The following CWF19L2 variants were observed in gnomAD, a reference collection of about 807,000 sequenced individuals.
The protein encoded by CWF19L2 is CWF19-like protein 2.
A neutral mutation model predicts 111.7 loss-of-function variants in CWF19L2; 98 were observed. The ratio of observed to expected loss-of-function variants is 0.88; its 90% CI spans 0.75 to 1.04. The LOEUF is 1.04. CWF19L2 is among the 50% of genes least tolerant of loss of function. CWF19L2 has a pLI of 0.00. For missense variants in CWF19L2, 1,101 were observed against 1,051.4 expected, an observed-to-expected ratio of 1.05 and a Z score of -0.65; for synonymous variants, 351 against 342.9, an observed-to-expected ratio of 1.02 and a Z score of -0.26.
intron 14 of CWF19L2, among the ~76,000 whole-genome samples, chr11:107,341,425 C>G (rs922304309): frequency 6.6e-6 from 1 of 152,140 alleles, no homozygotes; most frequent in South Asian, 2.1e-4. Flanking sequence ...GTCTTTCATA[C>G]TTGGTATAAG....
intron 12 of CWF19L2, among the ~76,000 whole-genome samples, chr11:107,357,719 A>G (rs944484879): frequency 2.6e-5 from 4 of 152,124 alleles, no homozygotes; most frequent in African/African-American, 7.2e-5. Context: ...ATTTTTACTC[A>G]TTATCTTTTC....
chr11:107,418,804 T>C (rs1046793538), intron 8 of CWF19L2, among the ~76,000 whole-genome samples: 7 of 152,154 alleles, frequency 4.6e-5, no homozygotes, highest in Non-Finnish European at 7.4e-5. Flanking sequence ...AAAACTGGTA[T>C]CATGTGCCAA....
chr11:107,418,178 C>A lies in CWF19L2; in HGVS notation c.1527+16G>T. On this transcript the variant is annotated intron_variant, in intron 9 of 17. Coordinates refer to ENST00000282251, the MANE Select transcript of CWF19L2 (RefSeq NM_152434.3). ...ATTTAATCATTATTCTCTAAAGCAA[C>A]ATCTAAGAGTCTTACCATATTCCCC... 6.8e-7 allele frequency: 1 copy of A among 1,476,446 alleles called. No individual in the cohort carries two copies. The highest frequency in any genetic ancestry group is 9.5e-7 in the Non-Finnish European group (1 of 1,054,472). The allele number at this position is 1,476,446 out of a possible 1,614,324, so 91.5% of individuals were successfully genotyped here.
chr11:107,424,656 AT>A (rs1861349860), intron 8 of CWF19L2, among the ~76,000 whole-genome samples: 1 of 151,834 alleles, frequency 6.6e-6, no homozygotes, highest in South Asian at 2.1e-4. Context: ...ATCTCAATAG[AT>A]CTTTAAAAGA....
At chr11:107,351,456 C>A (rs112126140) in intron 13 of CWF19L2, among the ~76,000 whole-genome samples, 63 of 151,986 alleles carry the variant, frequency 4.1e-4, no homozygotes, top group African/African-American at 1.5e-3. Flanking sequence ...ACTAGATATC[C>A]AAGTGGAAAA....
intron 12 of CWF19L2, among the ~76,000 whole-genome samples, chr11:107,382,486 G>C (rs1860701434): frequency 6.6e-6 from 1 of 152,182 alleles, no homozygotes; most frequent in South Asian, 2.1e-4. Flanking sequence ...AACAAGATTA[G>C]TAAGGTCCCT....
intron 14 of CWF19L2, among the ~76,000 whole-genome samples, chr11:107,347,914 A>G (rs1024485894): frequency 2.0e-5 from 3 of 152,192 alleles, no homozygotes; most frequent in African/African-American, 7.2e-5. Flanking sequence ...TTTTATATGT[A>G]TAAATTTTTA....
chr11:107,338,302 C>T (rs1394848576), intron 14 of CWF19L2, among the ~76,000 whole-genome samples: 1 of 152,154 alleles, frequency 6.6e-6, no homozygotes, highest in Non-Finnish European at 1.5e-5. Context: ...CCTTCTTCTA[C>T]CTTCCCCTTA....
chr11:107,426,813 T>C (rs1861385083), intron 8 of CWF19L2, among the ~76,000 whole-genome samples: 1 of 151,644 alleles, frequency 6.6e-6, no homozygotes, highest in African/African-American at 2.4e-5. Context: ...TAAATATATA[T>C]ATTACACATT....
At chr11:107,345,381 CAAT>C in intron 14 of CWF19L2, 3 of 388,508 alleles carry the variant, frequency 7.7e-6, no homozygotes. Flanking sequence ...ACAGCAATAA[CAAT>C]AATAAAAGTT....
intron 10 of CWF19L2, among the ~76,000 whole-genome samples, chr11:107,407,555 T>C (rs1189412094): frequency 6.6e-6 from 1 of 152,040 alleles, no homozygotes; most frequent in Non-Finnish European, 1.5e-5. Context: ...GAAAAGGGAA[T>C]TAAATGCTAA....
chr11:107,418,128 T>C, intron 9 of CWF19L2, 66 bp downstream of exon 9: 1 of 1,017,462 alleles, frequency 9.8e-7, no homozygotes, highest in Non-Finnish European at 1.6e-6. Flanking sequence ...AAGGAACTTC[T>C]AAAATTACTC....
At chr11:107,336,003 C>T (rs1159602593) in intron 15 of CWF19L2, among the ~76,000 whole-genome samples, 1 of 152,042 alleles carries the variant, frequency 6.6e-6, no homozygotes, top group African/African-American at 2.4e-5. Context: ...GGGCAGATCA[C>T]GAGGTCAAGA....
intron 10 of CWF19L2, among the ~76,000 whole-genome samples, chr11:107,394,277 C>T (rs982517036): frequency 2.6e-5 from 4 of 152,092 alleles, no homozygotes; most frequent in African/African-American, 7.2e-5. Flanking sequence ...TACTTTTCTT[C>T]CTCAATAAAT....
At chr11:107,454,423 C>T (rs750073994) in intron 3 of CWF19L2, 27 bp downstream of exon 3, 1 of 1,308,812 alleles carries the variant, frequency 7.6e-7, no homozygotes, top group Non-Finnish European at 9.8e-7. Flanking sequence ...CAAATAGCTG[C>T]TTTGATTAAT....
chr11:107,333,354 A>G (rs1859877316), intron 16 of CWF19L2, among the ~76,000 whole-genome samples: 1 of 152,202 alleles, frequency 6.6e-6, no homozygotes, highest in Non-Finnish European at 1.5e-5. Context: ...AAAGAAACAA[A>G]TAATAAGATA....
rs568512128 is a variant in CWF19L2 at position 107,378,854 on chromosome 11, AG to A, written c.1872+11219del. On this transcript the variant is annotated intron_variant, in intron 12 of 17. Coordinates refer to ENST00000282251, the MANE Select transcript of CWF19L2 (RefSeq NM_152434.3). The stretch of plus-strand genomic sequence containing the variant: ...TAAATATATATTGTAACAAAAAAAA[AG>A]AAAGATAGCATCGATAGTGTGATGG... Among the ~76,000 whole-genome samples, 233 of 89,760 alleles carry A rather than the reference AG, an allele frequency of 2.6e-3. 1 individual carries two copies. The highest frequency in any genetic ancestry group is 7.1e-3 in the African/African-American group (213 of 30,078). The allele number at this position is 89,760 out of a possible 152,430, so 58.9% of individuals were successfully genotyped here.
In CWF19L2 at chr11:107,432,141, C is replaced by T. The variant is rs1315247892; in HGVS notation, c.780+1493G>A. Among the ~76,000 whole-genome samples the T allele has an allele frequency of 4.6e-5, 7 of 151,676 alleles. No homozygotes were observed. The East Asian group carries it at 1.4e-3, about 29-fold the overall frequency. On this transcript the variant is annotated intron_variant, in intron 7 of 17. Transcript: ENST00000282251. ...AAACTTATCCATAGCAAATTATCAA[C>T]GAAGTAAAAAACATCAAGCCGAGGG...
At chr11:107,421,761 T>C (rs966362331) in intron 8 of CWF19L2, among the ~76,000 whole-genome samples, 6 of 152,132 alleles carry the variant, frequency 3.9e-5, no homozygotes, top group East Asian at 1.9e-4. Flanking sequence ...TTGGTGATCA[T>C]GTAAAATGGT....
Sources: allele counts gnomAD v4.1 joint callset (sites outside exome capture counted in the v4.1 genomes callset), GRCh38; gene constraint gnomAD v4.1.1; transcripts MANE v1.5; gene names NCBI Gene and HGNC (gene_info 2026-07-23, HGNC 2026-07-21).